Variants in TMED2 observed in about 807,000 individuals in gnomAD.
TMED2 encodes transmembrane emp24 domain-containing protein 2.
In TMED2, 3 loss-of-function variants were observed where a neutral mutation model predicts 17.5. The ratio of observed to expected loss-of-function variants is 0.17; its 90% confidence interval spans 0.08 to 0.44. The LOEUF is 0.44. Among genes scored for constraint, TMED2 ranks in the 20% least tolerant of loss-of-function variants. TMED2 has a pLI of 0.99. For missense variants in TMED2, 149 were observed against 254.8 expected, an observed-to-expected ratio of 0.58 and a Z score of 2.83; for synonymous variants, 95 against 91.0, an observed-to-expected ratio of 1.04 and a Z score of -0.25.
At chr12:123,591,550 G>A (rs1593639601) in intron 3 of TMED2, among the ~76,000 whole-genome samples, 2 of 152,186 alleles carry the variant, frequency 1.3e-5, no homozygotes, top group Admixed American at 1.3e-4. Flanking sequence ...TTGGGAGGCT[G>A]AGGTGGGCGG....
intron 3 of TMED2, among the ~76,000 whole-genome samples, chr12:123,591,556 G>A (rs1164117873): frequency 6.6e-6 from 1 of 151,978 alleles, no homozygotes; most frequent in African/African-American, 2.4e-5. Flanking sequence ...GGCTGAGGTG[G>A]GCGGATCACA....
chr12:123,588,245 T>G (rs1242996082), intron 2 of TMED2, among the ~76,000 whole-genome samples: 2 of 152,138 alleles, frequency 1.3e-5, no homozygotes, highest in Non-Finnish European at 2.9e-5. Flanking sequence ...AGCTAGTCAT[T>G]GTTTCACACA....
intron 1 of TMED2, chr12:123,585,157 T>TC (rs1228077644): frequency 1.2e-5 from 3 of 255,444 alleles, no homozygotes; most frequent in East Asian, 1.9e-4. Context: ...AAGGCGCTTC[T>TC]CAGTCACAGT....
chr12:123,591,185 AAT>A (rs771366016), intron 3 of TMED2, among the ~76,000 whole-genome samples: 14 of 152,302 alleles, frequency 9.2e-5, no homozygotes, highest in Middle Eastern at 3.4e-3. Flanking sequence ...TGGAAAGCTT[AAT>A]ATAGTTAGAC....
intron 1 of TMED2, 200 bp downstream of exon 1, chr12:123,585,016 G>T (rs1454619152): frequency 4.7e-6 from 3 of 637,326 alleles, no homozygotes; most frequent in Non-Finnish European, 7.9e-6. Flanking sequence ...GACTTGCCTG[G>T]GTTCCGGGAT....
At chr12:123,591,998 C>T (rs951493280) in intron 3 of TMED2, among the ~76,000 whole-genome samples, 5 of 152,164 alleles carry the variant, frequency 3.3e-5, no homozygotes, top group African/African-American at 1.2e-4. Context: ...TTCTGTTTTT[C>T]CTACCCTTAA....
intron 3 of TMED2, among the ~76,000 whole-genome samples, chr12:123,596,080 G>C (rs2135665371): frequency 6.6e-6 from 1 of 152,274 alleles, no homozygotes; most frequent in South Asian, 2.1e-4. Flanking sequence ...GAGTATAGGT[G>C]ACCCATAGGT....
intron 2 of TMED2, among the ~76,000 whole-genome samples, chr12:123,588,126 C>G (rs927898792): frequency 6.6e-6 from 1 of 151,204 alleles, no homozygotes; most frequent in East Asian, 1.9e-4. Flanking sequence ...AGTAATAAAC[C>G]CTGATTGGTT....
chr12:123,585,087 C>T (rs1357621786), intron 1 of TMED2: 1 of 410,758 alleles, frequency 2.4e-6, no homozygotes, highest in Non-Finnish European at 4.5e-6. Flanking sequence ...ACGACGGGTT[C>T]CTGTTGGAAC....
chr12:123,591,981 A>T (rs116430544), intron 3 of TMED2, among the ~76,000 whole-genome samples: 202 of 152,310 alleles, frequency 1.3e-3, no homozygotes, highest in African/African-American at 4.6e-3. Context: ...TTTCTTCCAG[A>T]TGTGCTTTCT....
intron 3 of TMED2, among the ~76,000 whole-genome samples, chr12:123,594,456 G>A (rs1284598535): frequency 6.6e-6 from 1 of 152,208 alleles, no homozygotes; most frequent in Non-Finnish European, 1.5e-5. Flanking sequence ...AAAAGCTAAG[G>A]CTATAGAATT....
At chr12:123,587,953 A>G (rs1953364378) in intron 2 of TMED2, among the ~76,000 whole-genome samples, 1 of 152,252 alleles carries the variant, frequency 6.6e-6, no homozygotes, top group Non-Finnish European at 1.5e-5. Context: ...AACATAGCTC[A>G]TAGCAAATGG....
chr12:123,587,499 G>GT (rs1953359281), intron 2 of TMED2: 1 of 775,254 alleles, frequency 1.3e-6, no homozygotes, highest in Non-Finnish European at 1.7e-6. Context: ...TATTTTTTCT[G>GT]TTTATTTGCT....
intron 2 of TMED2, among the ~76,000 whole-genome samples, chr12:123,588,133 G>T (rs1412248845): frequency 6.6e-6 from 1 of 151,620 alleles, no homozygotes; most frequent in Non-Finnish European, 1.5e-5. Context: ...AACCCTGATT[G>T]GTTCTTGGTG....
chr12:123,594,954 C>T (rs555838320), intron 3 of TMED2, among the ~76,000 whole-genome samples: 3 of 151,492 alleles, frequency 2.0e-5, no homozygotes, highest in East Asian at 1.9e-4. Flanking sequence ...TTTGGCCAGG[C>T]GTGGTGGCTC....
chr12:123,590,284 CAAA>C (rs377692258), intron 2 of TMED2, 55 bp from the exon 3 acceptor site: 6,622 of 1,010,906 alleles, frequency 6.6e-3, no homozygotes, highest in East Asian at 0.012. Context: ...GACTCTGTCT[CAAA>C]AAAAAAAAAA....
At position 123,598,221 on chromosome 12, in the gene TMED2, G is replaced by A. The variant is rs1953445687; in HGVS notation, c.*1492G>A. 6.6e-6 allele frequency: 1 copy of A among 152,132 alleles called. No homozygotes were observed. Among genetic ancestry groups the A allele is most frequent in the Admixed American group, 6.6e-5 (1 of 15,258 alleles). 9.4% of individuals were successfully genotyped at this position (152,132 alleles called of 1,614,324 possible). A position where few individuals can be genotyped will look rare whatever the true frequency, so the allele number is the denominator to read the frequency against. ...TCTGTTCTTATTTGACATGAGACAT[G>A]TTCATGTTTTCTGAGTATTTATACC... On this transcript the variant is annotated 3_prime_UTR_variant, in exon 4 of 4. Coordinates refer to ENST00000262225, the MANE Select transcript of TMED2 (RefSeq NM_006815.4).
chr12:123,590,392 A>G lies in TMED2; in HGVS notation c.424A>G (p.Thr142Ala). The change falls in exon 3 of 4, where the codon ACA (threonine) becomes GCA (alanine). Residue 142 changes from threonine to alanine, a missense_variant. By Grantham distance (58) the Thr-to-Ala change is moderately conservative. Coordinates refer to ENST00000262225, the MANE Select transcript of TMED2 (RefSeq NM_006815.4). ...EMINELAVAM[T>A]AVKHEQEYME... ...GATCAATGAGCTAGCAGTGGCGATG[A>G]CAGCTGTAAAGCACGAACAGGAATA... 7 of 1,610,652 alleles carry G rather than the reference A, an allele frequency of 4.3e-6. No individual in the cohort carries two copies. Among genetic ancestry groups the G allele is most frequent in the Non-Finnish European group, 5.9e-6 (7 of 1,177,756 alleles).
intron 3 of TMED2, among the ~76,000 whole-genome samples, chr12:123,595,104 G>A (rs960563014): frequency 1.1e-4 from 17 of 149,892 alleles, no homozygotes; most frequent in South Asian, 4.2e-4. Context: ...GGGTGTGCAC[G>A]TGTAATCCCA....
Sources: allele counts gnomAD v4.1 joint callset (sites outside exome capture counted in the v4.1 genomes callset), GRCh38; gene constraint gnomAD v4.1.1; transcripts MANE v1.5; gene names NCBI Gene and HGNC (gene_info 2026-07-23, HGNC 2026-07-21).